Variants in MRE11 observed in about 807,000 individuals in gnomAD.
The protein encoded by MRE11 is double-strand break repair protein MRE11.
In MRE11, 62 loss-of-function variants were observed where a neutral mutation model predicts 91.7. That is an observed-to-expected ratio of 0.68 (90% CI 0.55 to 0.84). The LOEUF (loss-of-function observed/expected upper bound fraction) is 0.84, where lower values mean the gene tolerates loss of function less well. MRE11 is among the 40% of genes least tolerant of loss of function. MRE11 has a pLI of 0.00. For missense variants in MRE11, 796 were observed against 852.9 expected (o/e 0.93, Z 0.83); for synonymous variants, 273 against 271.4 (o/e 1.01, Z -0.06).
At chr11:94,421,538 G>A (rs781603336) in intron 19 of MRE11, among the ~76,000 whole-genome samples, 15 of 152,108 alleles carry the variant, frequency 9.9e-5, no homozygotes, top group Non-Finnish European at 1.3e-4. Context: ...ACATATAACC[G>A]CATATATATC....
chr11:94,471,608 C>A lies in MRE11; in HGVS notation c.811G>T (p.Val271Phe), dbSNP rs1396986066. The A allele has an allele frequency of 6.2e-7, 1 of 1,612,516 alleles. No homozygotes were observed. The highest frequency in any genetic ancestry group is 1.3e-5 in the African/African-American group (1 of 74,910). The change falls in exon 8 of 20, where the codon GTT becomes TTT. Residue 271 changes from valine (V) to phenylalanine (F), a missense_variant. Coordinates refer to ENST00000323929, the MANE Select transcript of MRE11 (RefSeq NM_005591.4). Reference sequence around the variant, plus strand: ...GCTTCTCCTGGGGAAAGAGAAGTAACCACTGAGCTTCCAGGTTGTGAGATA... The same window carrying A: ...GCTTCTCCTGGGGAAAGAGAAGTAAACACTGAGCTTCCAGGTTGTGAGATA... Reference protein sequence around the residue: ...FYISQPGSSVVTSLSPGEAVK... With the variant: ...FYISQPGSSVFTSLSPGEAVK...
At chr11:94,451,027 C>T (rs1946088440) in intron 14 of MRE11, among the ~76,000 whole-genome samples, 1 of 145,484 alleles carries the variant, frequency 6.9e-6, no homozygotes, top group Admixed American at 6.7e-5. Context: ...GGTGTAGAAG[C>T]TCACATCTAT....
intron 14 of MRE11, among the ~76,000 whole-genome samples, chr11:94,449,939 A>C (rs1387867196): frequency 6.6e-6 from 1 of 152,334 alleles, no homozygotes; most frequent in Middle Eastern, 3.4e-3. Context: ...TATGTGGCAC[A>C]TGACTACATA....
At chr11:94,489,753 T>A (rs1410702585) in intron 3 of MRE11, among the ~76,000 whole-genome samples, 2 of 152,218 alleles carry the variant, frequency 1.3e-5, no homozygotes, top group African/African-American at 4.8e-5. Flanking sequence ...AACTCTCTCC[T>A]GGGCTGGCGT....
intron 14 of MRE11, among the ~76,000 whole-genome samples, chr11:94,447,956 C>T (rs1945985672): frequency 6.6e-6 from 1 of 152,050 alleles, no homozygotes; most frequent in African/African-American, 2.4e-5. Flanking sequence ...AAATGAGACC[C>T]TTTGAAAAGG....
intron 16 of MRE11, among the ~76,000 whole-genome samples, chr11:94,440,016 C>G (rs1945733140): frequency 6.6e-6 from 1 of 152,232 alleles, no homozygotes; most frequent in African/African-American, 2.4e-5. Context: ...CCCTTTCTCA[C>G]AGCACTTACA....
At position 94,432,792 on chromosome 11, in the gene MRE11, C is replaced by A. The variant is rs191129559; in HGVS notation, c.1995-2806G>T. On this transcript the variant is annotated intron_variant, in intron 18 of 19. Coordinates refer to ENST00000323929, the MANE Select transcript of MRE11 (RefSeq NM_005591.4). ...CTGCACTCCAGCCTGGGAGACAGAG[C>A]GAGACTCCGTCTCAAAAAACAAAAC... Among the ~76,000 whole-genome samples, 328 of 152,234 alleles carry A rather than the reference C, an allele frequency of 2.2e-3. 7 individuals carry two copies. The highest frequency in any genetic ancestry group is 0.019 in the Admixed American group (292 of 15,294).
intron 19 of MRE11, among the ~76,000 whole-genome samples, chr11:94,427,619 G>A (rs942363575): frequency 1.3e-5 from 2 of 152,024 alleles, no homozygotes; most frequent in Non-Finnish European, 2.9e-5. Flanking sequence ...CTGACGATAT[G>A]ATTCTGTACC....
chr11:94,450,572 T>C (rs1946072972), intron 14 of MRE11, among the ~76,000 whole-genome samples: 1 of 151,900 alleles, frequency 6.6e-6, no homozygotes, highest in Non-Finnish European at 1.5e-5. Context: ...TGCAATAAAA[T>C]AAAAAATTAA....
intron 19 of MRE11, 22 bp from the exon 20 acceptor site, chr11:94,420,203 G>A: frequency 6.4e-7 from 1 of 1,570,380 alleles, no homozygotes; most frequent in East Asian, 2.3e-5. Flanking sequence ...TACAAATGTT[G>A]TATTAGTGAT....
intron 3 of MRE11, among the ~76,000 whole-genome samples, chr11:94,490,572 T>C (rs1214676398): frequency 6.6e-6 from 1 of 152,186 alleles, no homozygotes; most frequent in Non-Finnish European, 1.5e-5. Context: ...ACATTTCGAA[T>C]AGACACTGCC....
intron 10 of MRE11, among the ~76,000 whole-genome samples, chr11:94,465,555 C>T (rs932894344): frequency 2.0e-5 from 3 of 151,960 alleles, no homozygotes; most frequent in Non-Finnish European, 4.4e-5. Context: ...ACCACCATAC[C>T]TGGCTAATTT....
At chr11:94,476,245 A>G in intron 7 of MRE11, 44 bp downstream of exon 7, 2 of 1,253,708 alleles carry the variant, frequency 1.6e-6, no homozygotes, top group Non-Finnish European at 2.3e-6. Context: ...CAGATTTGGG[A>G]AGCCTCAGCA....
intron 14 of MRE11, among the ~76,000 whole-genome samples, chr11:94,452,404 C>G (rs1238827145): frequency 2.0e-5 from 3 of 152,028 alleles, no homozygotes; most frequent in East Asian, 3.8e-4. Flanking sequence ...TCAAAAGATA[C>G]AGTAATACAT....
At chr11:94,432,900 T>G (rs980208825) in intron 18 of MRE11, among the ~76,000 whole-genome samples, 1 of 152,262 alleles carries the variant, frequency 6.6e-6, no homozygotes, top group Admixed American at 6.5e-5. Context: ...CTTCCCTTCA[T>G]GTAAGTTTCT....
At chr11:94,485,054 A>G (rs767875759) in intron 4 of MRE11, among the ~76,000 whole-genome samples, 1 of 152,158 alleles carries the variant, frequency 6.6e-6, no homozygotes, top group Non-Finnish European at 1.5e-5. Context: ...TCTACTAAAA[A>G]TACAAAAAAT....
Position 94,418,569 on chromosome 11 carries a change from C to T in MRE11, c.*1556G>A. ...ATGGCTTGTGCAGGGGTAGGTAGCA[C>T]AGCATCATCCAGACACTGCCTCCCC... is the stretch of plus-strand genomic sequence containing the variant. On this transcript the variant is annotated 3_prime_UTR_variant, in exon 20 of 20. Coordinates refer to ENST00000323929, the MANE Select transcript of MRE11 (RefSeq NM_005591.4). 1 of 232,672 alleles carries T rather than the reference C, an allele frequency of 4.3e-6. No homozygotes were observed. Among genetic ancestry groups the T allele is most frequent in the Non-Finnish European group, 8.5e-6 (1 of 117,730 alleles). The allele number at this position is 232,672 out of a possible 1,614,324, so 14.4% of individuals were successfully genotyped here. A position where few individuals can be genotyped will look rare whatever the true frequency, so the allele number is the denominator to read the frequency against.
At chr11:94,464,353 G>C in intron 10 of MRE11, 114 bp from the exon 11 acceptor site, 2 of 1,389,136 alleles carry the variant, frequency 1.4e-6, no homozygotes, top group Non-Finnish European at 2.0e-6. Context: ...TGAAATTTAT[G>C]AATTAATTTT....
At chr11:94,507,096 CAAGATCTAG>C in the MRE11 span, among the ~76,000 whole-genome samples, 1 of 152,144 alleles carries the variant, frequency 6.6e-6, no homozygotes, top group Middle Eastern at 3.2e-3. Flanking sequence ...TCACCCAGCT[CAAGATCTAG>C]AACATAATCA....
Sources: allele counts gnomAD v4.1 joint callset (sites outside exome capture counted in the v4.1 genomes callset), GRCh38; gene constraint gnomAD v4.1.1; transcripts MANE v1.5; gene names NCBI Gene and HGNC (gene_info 2026-07-23, HGNC 2026-07-21).